Variants in TRPM7 observed in about 807,000 individuals in gnomAD.
The protein encoded by TRPM7 is LTRPC ion channel family member 7.
Under a neutral mutation model 229.7 loss-of-function variants are expected in TRPM7, and 134 were observed. That is an observed-to-expected ratio of 0.58 (90% CI 0.51 to 0.67). The LOEUF (loss-of-function observed/expected upper bound fraction) is 0.67, where lower values mean the gene tolerates loss of function less well. TRPM7 is among the 30% of genes least tolerant of loss of function. The pLI is 0.00. For synonymous variants in TRPM7, 699 were observed against 715.2 expected, an observed-to-expected ratio of 0.98 and a Z score of 0.36; for missense variants, 1,901 against 2,210.0, an observed-to-expected ratio of 0.86 and a Z score of 2.80.
intron 19 of TRPM7, 115 bp from the exon 20 acceptor site, chr15:50,607,443 C>G: frequency 1.2e-6 from 1 of 850,808 alleles, no homozygotes. Flanking sequence ...TGTAAATTAT[C>G]TCCTAGTTTC....
intron 1 of TRPM7, among the ~76,000 whole-genome samples, chr15:50,664,155 G>A (rs1169707063): frequency 3.3e-5 from 5 of 151,524 alleles, no homozygotes; most frequent in African/African-American, 1.2e-4. Context: ...AAAATTAGCT[G>A]GGTGTGGTGG....
chr15:50,615,663 G>C (rs1268183420), intron 13 of TRPM7, among the ~76,000 whole-genome samples: 1 of 151,442 alleles, frequency 6.6e-6, no homozygotes, highest in Non-Finnish European at 1.5e-5. Flanking sequence ...GGTTTCACTG[G>C]GCACGGTGGC....
At chr15:50,656,023 C>A (rs1236458519) in intron 3 of TRPM7, among the ~76,000 whole-genome samples, 7 of 150,910 alleles carry the variant, frequency 4.6e-5, no homozygotes, top group African/African-American at 1.7e-4. Context: ...AAAAAAAAAC[C>A]CCTGCTGCAA....
At position 50,685,326 on chromosome 15, in the gene TRPM7, T is replaced by G. The variant is rs140096925; in HGVS notation, c.3+1205A>C. Among the ~76,000 whole-genome samples, 23 of 152,258 alleles carry G rather than the reference T, an allele frequency of 1.5e-4. No individual in the cohort carries two copies. In the East Asian group the frequency reaches 4.4e-3, roughly 29 times the overall value. The stretch of plus-strand genomic sequence containing the variant: ...TAAAAATGCAAAAATTAGCCGGGCA[T>G]GGTGGCTACAGTCCCAGCTACTCGG... On this transcript the variant is annotated intron_variant, in intron 1 of 38. Transcript: ENST00000646667.
chr15:50,662,085 T>A (rs2061738978), intron 2 of TRPM7, among the ~76,000 whole-genome samples: 1 of 152,120 alleles, frequency 6.6e-6, no homozygotes, highest in Non-Finnish European at 1.5e-5. Context: ...CTGGGCGCGG[T>A]GGCTCACGCC....
In TRPM7 at chr15:50,637,487, T is replaced by C. The variant is rs201929494; in HGVS notation, c.767A>G (p.Tyr256Cys). 1.9e-6 allele frequency: 3 copies of C among 1,614,128 alleles called. No individual in the cohort carries two copies. The highest frequency in any genetic ancestry group is 2.5e-6 in the Non-Finnish European group (3 of 1,180,012). Residue 256 changes from tyrosine (Y) to cysteine (C), a missense_variant, in exon 7 of 39, where the codon TAT (tyrosine) becomes TGT (cysteine). Transcript: ENST00000646667. ...ILVDDGTVGK[Y>C]GAEVRLRREL... is the part of the protein sequence containing the mutation. Reference sequence around the variant, plus strand: ...TCTTCTCAGTCTGACTTCCGCCCCATACTTTCCAACAGTGCCATCATCCAC... The same window carrying C: ...TCTTCTCAGTCTGACTTCCGCCCCACACTTTCCAACAGTGCCATCATCCAC...
intron 9 of TRPM7, 129 bp from the exon 10 acceptor site, chr15:50,631,618 GTATA>G (rs2060735670): frequency 2.0e-6 from 1 of 498,182 alleles, no homozygotes; most frequent in African/African-American, 1.9e-5. Flanking sequence ...TATGTATTAT[GTATA>G]TATAAACATA....
At position 50,609,860 on chromosome 15, in the gene TRPM7, C is replaced by T; in HGVS notation, c.2382G>A (p.Met794Ile). The change falls in exon 18 of 39, where the codon ATG (methionine) becomes ATA (isoleucine). Residue 794 changes from methionine to isoleucine, a missense_variant. Met to Ile is a conservative substitution (Grantham distance 10, BLOSUM62 1). Around this residue, in one of 8 missense-constraint regions of TRPM7, gnomAD observed 207 missense variants for 241.5 expected, o/e 0.86. Transcript: ENST00000646667. ...HIPQSQDAHQMTMDDSENNFQ... is the reference protein window; with the variant it reads ...HIPQSQDAHQITMDDSENNFQ... ...AGTTGTTTTCGCTGTCATCCATTGTCATCTGATGAGCATCTTGAGATTGTG... is the reference window on the plus strand; with the variant it reads ...AGTTGTTTTCGCTGTCATCCATTGTTATCTGATGAGCATCTTGAGATTGTG... 2.5e-6 allele frequency: 4 copies of T among 1,613,194 alleles called. No homozygotes were observed. Among genetic ancestry groups the T allele is most frequent in the Non-Finnish European group, 3.4e-6 (4 of 1,179,542 alleles).
intron 3 of TRPM7, among the ~76,000 whole-genome samples, chr15:50,657,377 T>C (rs913793031): frequency 6.6e-6 from 1 of 152,168 alleles, no homozygotes; most frequent in Non-Finnish European, 1.5e-5. Context: ...ACAATATCCT[T>C]TTAACATGAA....
intron 15 of TRPM7, 71 bp from the exon 16 acceptor site, chr15:50,612,900 T>C (rs527971754): frequency 1.5e-6 from 2 of 1,375,112 alleles, no homozygotes; most frequent in South Asian, 2.8e-5. Flanking sequence ...GTGAAAATTT[T>C]AGTAAAATAT....
In TRPM7 at chr15:50,646,093, G is replaced by A. The variant is rs1038408658; in HGVS notation, c.322-2540C>T. 3.4e-5 allele frequency among the ~76,000 whole-genome samples: 5 copies of A among 146,204 alleles called. No individual in the cohort carries two copies. In the Admixed American group the frequency reaches 3.6e-4, roughly 10 times the overall value. On this transcript the variant is annotated intron_variant, in intron 4 of 38. Coordinates refer to ENST00000646667, the MANE Select transcript of TRPM7 (RefSeq NM_017672.6). Reference sequence around the variant, plus strand: ...GATCGCGCCACTGCACTCCAGCCTGGGCAACAGAGCGAGTCTCAAAAAAAA... The same window carrying A: ...GATCGCGCCACTGCACTCCAGCCTGAGCAACAGAGCGAGTCTCAAAAAAAA...
At chr15:50,567,539 T>C (rs1380257494) in intron 38 of TRPM7, among the ~76,000 whole-genome samples, 5 of 152,074 alleles carry the variant, frequency 3.3e-5, no homozygotes, top group Non-Finnish European at 5.9e-5. Context: ...CACAGACCAA[T>C]ATTCTTCATG....
At chr15:50,670,722 G>C (rs1426978674) in intron 1 of TRPM7, among the ~76,000 whole-genome samples, 3 of 151,100 alleles carry the variant, frequency 2.0e-5, no homozygotes, top group African/African-American at 7.3e-5. Flanking sequence ...GCAGCCCTCA[G>C]GACTGCTCAA....
At chr15:50,631,129 G>A (rs2060716710) in intron 10 of TRPM7, among the ~76,000 whole-genome samples, 1 of 152,122 alleles carries the variant, frequency 6.6e-6, no homozygotes, top group Non-Finnish European at 1.5e-5. Flanking sequence ...GCCTGGCCCA[G>A]GATGTTAGAC....
At chr15:50,626,352 T>A (rs2060558805) in intron 11 of TRPM7, among the ~76,000 whole-genome samples, 1 of 152,138 alleles carries the variant, frequency 6.6e-6, no homozygotes, top group African/African-American at 2.4e-5. Flanking sequence ...ACAAGAACAT[T>A]CTGTGTTTAT....
chr15:50,622,270 T>C (rs2060429815), intron 12 of TRPM7, among the ~76,000 whole-genome samples: 1 of 152,146 alleles, frequency 6.6e-6, no homozygotes, highest in Admixed American at 6.5e-5. Flanking sequence ...ATAATTTTAA[T>C]GTAAAGGAAC....
Position 50,592,454 on chromosome 15 carries a change from G to A in TRPM7, c.3781C>T (p.His1261Tyr). 1.2e-6 allele frequency: 2 copies of A among 1,614,132 alleles called. No homozygotes were observed. Among genetic ancestry groups the A allele is most frequent in the Non-Finnish European group, 8.5e-7 (1 of 1,180,020 alleles). Residue 1261 changes from histidine (H) to tyrosine (Y), a missense_variant, in exon 26 of 39, where the codon CAT becomes TAT. His to Tyr is a moderately conservative substitution (Grantham distance 83, BLOSUM62 2). Around this residue, in one of 8 missense-constraint regions of TRPM7, gnomAD observed 533 missense variants for 497.1 expected, o/e 1.07. Coordinates refer to ENST00000646667, the MANE Select transcript of TRPM7 (RefSeq NM_017672.6). ...AQKASEASKV[H>Y]NEITRELSIS... ...CTCAGTTCTCGTGTGATTTCATTAT[G>A]AACTTTGCTAGCTTCCGACGCTTTC...
At chr15:50,619,223 CTT>C (rs71124388) in intron 13 of TRPM7, among the ~76,000 whole-genome samples, 26 of 137,210 alleles carry the variant, frequency 1.9e-4, no homozygotes, top group Admixed American at 1.5e-4. Flanking sequence ...GCTTTTTTTT[CTT>C]TTTTTTTTTT....
chr15:50,654,121 A>G (rs2061494373), intron 3 of TRPM7, among the ~76,000 whole-genome samples: 1 of 152,200 alleles, frequency 6.6e-6, no homozygotes, highest in Non-Finnish European at 1.5e-5. Context: ...CACTCCTTAC[A>G]GGAAAATTAT....
Sources: gnomAD v4.1 joint callset for allele counts (sites outside exome capture counted in the v4.1 genomes callset) on GRCh38, gnomAD v4.1.1 for gene constraint, gnomAD v4.1.1 regional missense constraint, MANE v1.5 for transcripts, NCBI Gene and HGNC (gene_info 2026-07-23, HGNC 2026-07-21) for gene names.